The following L3MBTL4 variants were observed in gnomAD, a reference collection of about 807,000 sequenced individuals.
L3MBTL4 encodes the protein lethal(3)malignant brain tumor-like protein 4.
Under a neutral mutation model 84.5 loss-of-function variants are expected in L3MBTL4, and 70 were observed. The ratio of observed to expected loss-of-function variants is 0.83; its 90% CI spans 0.68 to 1.01. The LOEUF (loss-of-function observed/expected upper bound fraction) is 1.01. L3MBTL4 is among the 50% of genes least tolerant of loss of function. The pLI is 0.00. For synonymous variants in L3MBTL4, 274 were observed against 259.8 expected, an observed-to-expected ratio of 1.05 and a Z score of -0.52; for missense variants, 715 against 754.8, an observed-to-expected ratio of 0.95 and a Z score of 0.62.
intron 1 of L3MBTL4, among the ~76,000 whole-genome samples, chr18:6,326,203 G>A (rs915053896): frequency 3.3e-5 from 5 of 152,062 alleles, no homozygotes; most frequent in African/African-American, 4.8e-5. Context: ...GACAAAATAC[G>A]GAAATCACAA....
chr18:6,166,224 A>T (rs2043647411), intron 13 of L3MBTL4, among the ~76,000 whole-genome samples: 2 of 152,192 alleles, frequency 1.3e-5, no homozygotes, highest in Admixed American at 1.3e-4. Context: ...CCAAACAATA[A>T]TAATGGGAGA....
intron 10 of L3MBTL4, among the ~76,000 whole-genome samples, chr18:6,230,857 AT>A (rs1204429971): frequency 4.6e-5 from 7 of 151,856 alleles, no homozygotes; most frequent in Non-Finnish European, 1.0e-4. Flanking sequence ...ATATTTTCAT[AT>A]GCTTGTCAGC....
intron 10 of L3MBTL4, among the ~76,000 whole-genome samples, chr18:6,217,386 T>C (rs1031531864): frequency 2.0e-5 from 3 of 152,234 alleles, no homozygotes; most frequent in African/African-American, 4.8e-5. Context: ...ACACAGCATG[T>C]GCTCCTTTGT....
At chr18:6,191,323 A>T (rs769072932) in intron 12 of L3MBTL4, among the ~76,000 whole-genome samples, 1 of 152,080 alleles carries the variant, frequency 6.6e-6, no homozygotes, top group Non-Finnish European at 1.5e-5. Context: ...TTCTGTACAC[A>T]TCTCAAAGCT....
At chr18:6,305,178 A>G (rs1053692256) in intron 3 of L3MBTL4, among the ~76,000 whole-genome samples, 1 of 152,252 alleles carries the variant, frequency 6.6e-6, no homozygotes, top group Admixed American at 6.5e-5. Flanking sequence ...CTATGTTTAA[A>G]CAATTTTGCA....
rs558635248 is a variant in L3MBTL4, at chr18:6,171,703, G to A, written c.1096+125C>T. ...TAAATAATCGGCTTTCAGTGTAGCT[G>A]TAGTGATTAATTCGCCTATGTGATG... On this transcript the variant is annotated intron_variant, in intron 13 of 18. Coordinates refer to ENST00000317931, the MANE Select transcript of L3MBTL4 (RefSeq NM_001330559.2). 1.3e-5 allele frequency: 7 copies of A among 548,554 alleles called. No homozygotes were observed. In the African/African-American group the frequency reaches 1.4e-4, roughly 11 times the overall value. The allele number at this position is 548,554 out of a possible 1,614,324, so 34.0% of individuals were successfully genotyped here. A position where few individuals can be genotyped will look rare whatever the true frequency, so the allele number is the denominator to read the frequency against.
intron 16 of L3MBTL4, among the ~76,000 whole-genome samples, chr18:5,974,440 T>C (rs528731054): frequency 6.8e-6 from 1 of 146,534 alleles, no homozygotes; most frequent in African/African-American, 2.6e-5. Flanking sequence ...ATAAACACAC[T>C]GGAACCTGGT....
At chr18:6,394,301 C>T (rs1027136240) in intron 1 of L3MBTL4, among the ~76,000 whole-genome samples, 5 of 151,990 alleles carry the variant, frequency 3.3e-5, no homozygotes, top group Admixed American at 6.6e-5. Context: ...AACCCAGTCT[C>T]TATTAAAAAT....
intron 4 of L3MBTL4, among the ~76,000 whole-genome samples, chr18:6,266,074 T>A (rs892003750): frequency 1.3e-5 from 2 of 152,186 alleles, no homozygotes; most frequent in Non-Finnish European, 2.9e-5. Flanking sequence ...CCCATAAATA[T>A]ATACAATTAT....
chr18:5,956,461 G>A (rs1394660506), intron 18 of L3MBTL4, 74 bp from the exon 19 acceptor site: 4 of 1,429,020 alleles, frequency 2.8e-6, no homozygotes, highest in African/African-American at 2.8e-5. Context: ...TAACACTTTG[G>A]TTCTGAGTGT....
intron 17 of L3MBTL4, among the ~76,000 whole-genome samples, chr18:5,961,034 C>T (rs2095260905): frequency 6.6e-6 from 1 of 152,242 alleles, no homozygotes; most frequent in African/African-American, 2.4e-5. Flanking sequence ...GGATGAAAGG[C>T]AGGCTGAATG....
chr18:6,068,235 A>T (rs77639918), intron 16 of L3MBTL4, among the ~76,000 whole-genome samples: 4 of 151,744 alleles, frequency 2.6e-5, no homozygotes, highest in African/African-American at 9.7e-5. Context: ...TATTTATTTA[A>T]TTTTTTCCCA....
chr18:5,990,190 G>A (rs1183624123), intron 16 of L3MBTL4, among the ~76,000 whole-genome samples: 1 of 152,140 alleles, frequency 6.6e-6, no homozygotes, highest in Non-Finnish European at 1.5e-5. Flanking sequence ...AGGTGATCTT[G>A]TTCTACAGGA....
intron 13 of L3MBTL4, among the ~76,000 whole-genome samples, chr18:6,151,072 C>T (rs1399222246): frequency 6.6e-6 from 1 of 152,100 alleles, no homozygotes; most frequent in African/African-American, 2.4e-5. Flanking sequence ...TAGAAGAAAA[C>T]GGATCCCCTT....
intron 16 of L3MBTL4, among the ~76,000 whole-genome samples, chr18:5,995,931 G>A (rs2145201409): frequency 6.6e-6 from 1 of 152,328 alleles, no homozygotes; most frequent in East Asian, 1.9e-4. Flanking sequence ...AAAAGGGCAG[G>A]AGATTTTTGT....
At chr18:6,282,938 G>T (rs748326499) in intron 4 of L3MBTL4, among the ~76,000 whole-genome samples, 1 of 152,064 alleles carries the variant, frequency 6.6e-6, no homozygotes. Context: ...AAAGAAAAAG[G>T]TCCCTTGAAC....
intron 14 of L3MBTL4, among the ~76,000 whole-genome samples, chr18:6,106,216 T>C (rs1294097722): frequency 1.3e-5 from 2 of 152,174 alleles, no homozygotes; most frequent in African/African-American, 2.4e-5. Context: ...CCAAACTGCT[T>C]CTGGGGCTAG....
chr18:6,016,455 G>A (rs904268502), intron 16 of L3MBTL4, among the ~76,000 whole-genome samples: 2 of 152,160 alleles, frequency 1.3e-5, no homozygotes, highest in Non-Finnish European at 2.9e-5. Flanking sequence ...TTGTTCCACA[G>A]GGACTAGCTC....
chr18:6,347,529 AATT>A (rs2052971266), intron 1 of L3MBTL4, among the ~76,000 whole-genome samples: 1 of 151,628 alleles, frequency 6.6e-6, no homozygotes, highest in Non-Finnish European at 1.5e-5. Flanking sequence ...AATATTCTAA[AATT>A]AATTAATTAA....
Sources: gnomAD v4.1 joint callset for allele counts (sites outside exome capture counted in the v4.1 genomes callset) on GRCh38, gnomAD v4.1.1 for gene constraint, MANE v1.5 for transcripts, NCBI Gene and HGNC (gene_info 2026-07-23, HGNC 2026-07-21) for gene names.